The following DLGAP2 variants were observed in gnomAD, a reference collection of about 807,000 sequenced individuals.
DLGAP2 encodes DLG associated protein 2.
A neutral mutation model predicts 100.3 loss-of-function variants in DLGAP2; 26 were observed. That is an observed-to-expected ratio of 0.26 (90% CI 0.19 to 0.36). DLGAP2 has a LOEUF of 0.36. Ranked by LOEUF, DLGAP2 falls within the 10% of genes least tolerant of loss-of-function variation. DLGAP2 has a pLI of 1.00. For missense variants in DLGAP2, 1,858 were observed against 1,453.2 expected (o/e 1.28, Z -4.53); for synonymous variants, 886 against 630.1 (o/e 1.41, Z -6.08).
chr8:1,129,724 A>T (rs1796246117), intron 2 of DLGAP2, among the ~76,000 whole-genome samples: 1 of 152,120 alleles, frequency 6.6e-6, no homozygotes, highest in South Asian at 2.1e-4. Context: ...CCCACGTTGT[A>T]CCTTTTCACA....
intron 3 of DLGAP2, among the ~76,000 whole-genome samples, chr8:1,442,409 C>T (rs1389465574): frequency 6.7e-6 from 1 of 148,768 alleles, no homozygotes; most frequent in African/African-American, 2.5e-5. Flanking sequence ...GGCATAGACC[C>T]GCCAGGCTGC....
intron 2 of DLGAP2, among the ~76,000 whole-genome samples, chr8:1,128,485 C>T (rs1796220733): frequency 6.6e-6 from 1 of 152,246 alleles, no homozygotes; most frequent in Non-Finnish European, 1.5e-5. Context: ...CCACTGTGTT[C>T]CAGCTGCCTG....
chr8:1,036,823 C>T (rs373847073), intron 2 of DLGAP2, among the ~76,000 whole-genome samples: 1 of 152,194 alleles, frequency 6.6e-6, no homozygotes, highest in South Asian at 2.1e-4. Flanking sequence ...GGTTCAGAAT[C>T]CTGGGTGCCC....
intron 5 of DLGAP2, among the ~76,000 whole-genome samples, chr8:1,560,600 G>C (rs778908642): frequency 4.6e-5 from 7 of 152,178 alleles, no homozygotes; most frequent in Non-Finnish European, 1.0e-4. Context: ...CCAGTCCGAA[G>C]GCCTCCAGTC....
At chr8:1,409,272 C>G (rs879455111) in intron 3 of DLGAP2, among the ~76,000 whole-genome samples, 3 of 150,334 alleles carry the variant, frequency 2.0e-5, no homozygotes, top group Non-Finnish European at 3.0e-5. Flanking sequence ...ACAGAATTGT[C>G]TAGACCAGCT....
At chr8:1,257,247 G>C (rs73533767) in intron 2 of DLGAP2, among the ~76,000 whole-genome samples, 12,569 of 152,132 alleles carry the variant, frequency 0.083, 1,397 homozygotes, top group African/African-American at 0.25. Flanking sequence ...ACGGCTCCCA[G>C]GTGAGCTCCG....
intron 3 of DLGAP2, among the ~76,000 whole-genome samples, chr8:1,298,357 C>G (rs996570592): frequency 6.6e-6 from 1 of 152,212 alleles, no homozygotes; most frequent in African/African-American, 2.4e-5. Flanking sequence ...CCGCGTCCTT[C>G]CACATGATGG....
chr8:1,210,072 C>G (rs1036830183), intron 2 of DLGAP2, among the ~76,000 whole-genome samples: 1 of 152,210 alleles, frequency 6.6e-6, no homozygotes, highest in African/African-American at 2.4e-5. Flanking sequence ...AGCCTAAGAG[C>G]CTGTGATTGA....
At chr8:1,649,252 C>G (rs763554342) in intron 8 of DLGAP2, among the ~76,000 whole-genome samples, 1 of 142,518 alleles carries the variant, frequency 7.0e-6, no homozygotes, top group South Asian at 2.4e-4. Context: ...GCTACCAGAA[C>G]ACTCAATACC....
intron 2 of DLGAP2, among the ~76,000 whole-genome samples, chr8:1,106,884 C>T (rs1804792007): frequency 6.6e-6 from 1 of 152,130 alleles, no homozygotes; most frequent in Non-Finnish European, 1.5e-5. Context: ...AGAATAGAAC[C>T]ATTTGGACTC....
intron 1 of DLGAP2, among the ~76,000 whole-genome samples, chr8:883,839 G>A (rs1444230556): frequency 6.6e-6 from 1 of 152,180 alleles, no homozygotes; most frequent in Non-Finnish European, 1.5e-5. Flanking sequence ...CCCTCTCTGT[G>A]TCATTGTGTT....
chr8:1,584,754 C>T (rs925344057), intron 6 of DLGAP2, among the ~76,000 whole-genome samples: 7 of 152,122 alleles, frequency 4.6e-5, no homozygotes, highest in Non-Finnish European at 1.5e-5. Context: ...CACCCCACAC[C>T]CGGCGGACCC....
chr8:1,679,507 T>G (rs1798893166), intron 12 of DLGAP2, among the ~76,000 whole-genome samples: 1 of 151,704 alleles, frequency 6.6e-6, no homozygotes, highest in Admixed American at 6.6e-5. Flanking sequence ...TCTACCAGAG[T>G]CACCACCAAA....
chr8:1,007,634 T>TG (rs199694483), intron 2 of DLGAP2, among the ~76,000 whole-genome samples: 38,601 of 135,552 alleles, frequency 0.28, 6,132 homozygotes, highest in African/African-American at 0.37. Flanking sequence ...GTTTTTTTTT[T>TG]TGGGGGGGGG....
At chr8:1,244,444 G>A (rs1563276731) in intron 2 of DLGAP2, among the ~76,000 whole-genome samples, 1 of 152,244 alleles carries the variant, frequency 6.6e-6, no homozygotes, top group South Asian at 2.1e-4. Context: ...TTAAAGTGTT[G>A]TAAAAGAGGT....
chr8:867,519 A>G (rs577363629), intron 1 of DLGAP2, among the ~76,000 whole-genome samples: 230 of 152,312 alleles, frequency 1.5e-3, no homozygotes, highest in South Asian at 6.4e-3. Context: ...TGTTGTGATT[A>G]TGTCATTACG....
At chr8:1,545,545 T>A (rs777605044) in intron 4 of DLGAP2, among the ~76,000 whole-genome samples, 9 of 152,226 alleles carry the variant, frequency 5.9e-5, no homozygotes, top group African/African-American at 2.2e-4. Flanking sequence ...GTTTGCTACC[T>A]CATTTTCACA....
chr8:1,414,413 G>A (rs1052628650), intron 3 of DLGAP2, among the ~76,000 whole-genome samples: 8 of 152,338 alleles, frequency 5.3e-5, no homozygotes, highest in East Asian at 1.9e-4. Flanking sequence ...GAGTCAGGTC[G>A]TGACCCATGG....
At chr8:1,134,327 A>G (rs969893397) in intron 2 of DLGAP2, among the ~76,000 whole-genome samples, 2 of 152,204 alleles carry the variant, frequency 1.3e-5, no homozygotes, top group Non-Finnish European at 2.9e-5. Context: ...AGAACGATGT[A>G]TATTCCTTTG....
Sources: allele counts gnomAD v4.1 joint callset (sites outside exome capture counted in the v4.1 genomes callset), GRCh38; gene constraint gnomAD v4.1.1; transcripts MANE v1.5; gene names NCBI Gene and HGNC (gene_info 2026-07-23, HGNC 2026-07-21).